CNTN6: variants seen among roughly 807,000 people sequenced by gnomAD.
The protein encoded by CNTN6 is contactin 6.
Under a neutral mutation model 122.8 loss-of-function variants are expected in CNTN6, and 137 were observed. That is an observed-to-expected ratio of 1.12 (90% CI 0.97 to 1.29). The LOEUF (loss-of-function observed/expected upper bound fraction) is 1.29, where lower values mean the gene tolerates loss of function less well. CNTN6 is among the 50% of genes most tolerant of loss of function. The pLI, the probability that CNTN6 is intolerant of heterozygous loss-of-function variation, is 0.00. For missense variants in CNTN6, 1,634 were observed against 1,223.4 expected (o/e 1.34, Z -5.01); for synonymous variants, 570 against 426.0 (o/e 1.34, Z -4.16).
intron 2 of CNTN6, among the ~76,000 whole-genome samples, chr3:1,211,791 A>G (rs2094041757): frequency 6.6e-6 from 1 of 152,138 alleles, no homozygotes; most frequent in Non-Finnish European, 1.5e-5. Flanking sequence ...AGCAGAGACT[A>G]GCATCTCTTA....
At chr3:1,258,107 G>T (rs1275875556) in intron 4 of CNTN6, among the ~76,000 whole-genome samples, 2 of 152,098 alleles carry the variant, frequency 1.3e-5, no homozygotes, top group Non-Finnish European at 2.9e-5. Context: ...ATGTGATTGA[G>T]ATATTGTTAA....
At chr3:1,096,338 G>C (rs1228674294) in intron 1 of CNTN6, among the ~76,000 whole-genome samples, 16 of 151,848 alleles carry the variant, frequency 1.1e-4, no homozygotes, top group African/African-American at 3.9e-4. Context: ...AACTTTTTTT[G>C]AGGTTTGCCC....
At chr3:1,329,295 T>G (rs768176902) in intron 10 of CNTN6, among the ~76,000 whole-genome samples, 19 of 151,590 alleles carry the variant, frequency 1.3e-4, no homozygotes, top group Admixed American at 2.6e-4. Context: ...GTATATGACA[T>G]GTATGATCAT....
At position 1,220,683 on chromosome 3, in the gene CNTN6, C is replaced by T. The variant is rs2094195148; in HGVS notation, c.56-4C>T. ...TCATGTGATTTATTCTTTTCTTTTC[C>T]CAGGTGATGGTCTTTTAAGCCGTCC... On this transcript the variant is annotated splice_region_variant and splice_polypyrimidine_tract_variant and intron_variant, in intron 2 of 22. Transcript: ENST00000446702. The T allele has an allele frequency of 6.3e-7, 1 of 1,597,716 alleles. No homozygotes were observed. Among genetic ancestry groups the T allele is most frequent in the Non-Finnish European group, 8.5e-7 (1 of 1,174,222 alleles).
chr3:1,399,094 C>A (rs188345844), intron 20 of CNTN6, among the ~76,000 whole-genome samples: 2 of 152,108 alleles, frequency 1.3e-5, no homozygotes, highest in East Asian at 3.9e-4. Flanking sequence ...ACAAAACATC[C>A]GGAAATACAT....
intron 7 of CNTN6, among the ~76,000 whole-genome samples, chr3:1,315,952 A>T (rs114657246): frequency 0.011 from 1,700 of 152,126 alleles, 31 homozygotes; most frequent in African/African-American, 0.039. Flanking sequence ...TTTGTATCAA[A>T]TGCGTAGTCA....
In CNTN6 at chr3:1,151,740, T is replaced by G. The variant is rs369909294; in HGVS notation, c.55+3677T>G. The stretch of plus-strand genomic sequence containing the variant: ...CAAGTAAGTCCACTTAAACTGAGAT[T>G]CTGCCCCTTGTGACAAAAAAGTTCT... On this transcript the variant is annotated intron_variant, in intron 2 of 22. Coordinates refer to ENST00000446702, the MANE Select transcript of CNTN6 (RefSeq NM_001289080.2). 1.5e-4 allele frequency among the ~76,000 whole-genome samples: 23 copies of G among 152,282 alleles called. No individual in the cohort carries two copies. The South Asian group carries it at 4.6e-3, about 30-fold the overall frequency.
chr3:1,269,506 C>T (rs933356539), intron 4 of CNTN6, among the ~76,000 whole-genome samples: 1 of 152,114 alleles, frequency 6.6e-6, no homozygotes, highest in Non-Finnish European at 1.5e-5. Flanking sequence ...AGGGAATATG[C>T]CAGCTTAGTA....
At chr3:1,361,572 A>G (rs1343498241) in intron 12 of CNTN6, among the ~76,000 whole-genome samples, 1 of 152,128 alleles carries the variant, frequency 6.6e-6, no homozygotes, top group Non-Finnish European at 1.5e-5. Context: ...GACAGCAATT[A>G]TCATACTCTT....
At chr3:1,365,390 T>C (rs1303017822) in intron 12 of CNTN6, among the ~76,000 whole-genome samples, 3 of 152,030 alleles carry the variant, frequency 2.0e-5, no homozygotes, top group Admixed American at 6.6e-5. Context: ...CAAATTTCCA[T>C]AATAGTCTCA....
chr3:1,300,330 C>A (rs746429409), intron 7 of CNTN6, among the ~76,000 whole-genome samples: 2 of 151,756 alleles, frequency 1.3e-5, no homozygotes, highest in Non-Finnish European at 2.9e-5. Flanking sequence ...TGAGGATGCC[C>A]AAGGGAGAGT....
Position 1,293,853 on chromosome 3 carries a change from C to T in CNTN6, c.455-1748C>T, listed in dbSNP as rs563382654. On this transcript the variant is annotated intron_variant, in intron 5 of 22. Transcript: ENST00000446702. ...TACTCTACCTAGTTTCCGCAGTACA[C>T]CTAATGTCTTAGCTTCAGGAAGAAT... is the stretch of plus-strand genomic sequence containing the variant. Among the ~76,000 whole-genome samples, 6 of 152,272 alleles carry T rather than the reference C, an allele frequency of 3.9e-5. No individual in the cohort carries two copies. The East Asian group carries it at 1.2e-3, about 29-fold the overall frequency.
At chr3:1,238,138 CG>C (rs2094443298) in intron 4 of CNTN6, among the ~76,000 whole-genome samples, 1 of 151,976 alleles carries the variant, frequency 6.6e-6, no homozygotes, top group Admixed American at 6.6e-5. Context: ...TTAAAAAATA[CG>C]GAATGGCAGA....
In CNTN6 at chr3:1,220,748, G is replaced by A. The variant is rs1260032898; in HGVS notation, c.117G>A (p.Leu39=). Residue 39 remains leucine (L), a synonymous_variant, in exon 3 of 23, where the codon TTG becomes TTA. Coordinates refer to ENST00000446702, the MANE Select transcript of CNTN6 (RefSeq NM_001289080.2). ...TQEPHDVIFP[L]DLSKSEVILN... ...AGCCACATGATGTCATTTTTCCTTTGGATTTATCAAAATCTGAGGTCATCC... is the reference window on the plus strand; with the variant it reads ...AGCCACATGATGTCATTTTTCCTTTAGATTTATCAAAATCTGAGGTCATCC... 2 of 1,611,194 alleles carry A rather than the reference G, an allele frequency of 1.2e-6. No individual in the cohort carries two copies.
At chr3:1,308,287 T>TGTGTGTG (rs1698678653) in intron 7 of CNTN6, among the ~76,000 whole-genome samples, 3 of 144,826 alleles carry the variant, frequency 2.1e-5, no homozygotes, top group Non-Finnish European at 4.5e-5. Flanking sequence ...ATGGGGTGTT[T>TGTGTGTG]TGTGTGTGTG....
intron 12 of CNTN6, among the ~76,000 whole-genome samples, chr3:1,368,942 C>T (rs1489423531): frequency 6.6e-6 from 1 of 152,174 alleles, no homozygotes; most frequent in Non-Finnish European, 1.5e-5. Flanking sequence ...TGTAGCTGAC[C>T]TTAATGACGT....
chr3:1,293,820 C>G (rs1051848476), intron 5 of CNTN6, among the ~76,000 whole-genome samples: 1 of 152,300 alleles, frequency 6.6e-6, no homozygotes, highest in Admixed American at 6.5e-5. Context: ...CTTCCCTAGA[C>G]ATAGTTCTAC....
intron 20 of CNTN6, among the ~76,000 whole-genome samples, chr3:1,396,610 C>T (rs933415394): frequency 6.6e-6 from 1 of 152,220 alleles, no homozygotes; most frequent in Admixed American, 6.5e-5. Context: ...GGCTGTCATA[C>T]ATCAAGGCTC....
intron 2 of CNTN6, among the ~76,000 whole-genome samples, chr3:1,200,691 C>T (rs555994953): frequency 6.6e-6 from 1 of 152,204 alleles, no homozygotes; most frequent in East Asian, 1.9e-4. Context: ...AATGTGATCA[C>T]AGCCTTAAGT....
Sources: gnomAD v4.1 joint callset for allele counts (sites outside exome capture counted in the v4.1 genomes callset) on GRCh38, gnomAD v4.1.1 for gene constraint, MANE v1.5 for transcripts, NCBI Gene and HGNC (gene_info 2026-07-23, HGNC 2026-07-21) for gene names.